ANKRD30BL: variants seen among roughly 807,000 people sequenced by gnomAD.
ANKRD30BL encodes putative ankyrin repeat domain-containing protein 30B-like.
ANKRD30BL carries 20 observed loss-of-function variants against 18.4 expected under a neutral mutation model. The observed-to-expected ratio is 1.09, with a 90% CI of 0.77 to 1.58. The LOEUF (loss-of-function observed/expected upper bound fraction) is 1.58. ANKRD30BL is among the 40% of genes most tolerant of loss of function. The probability of loss-of-function intolerance (pLI) is 0.00; values close to 1 mark genes in which losing one functional copy is unlikely to be tolerated. For missense variants in ANKRD30BL, 224 were observed against 268.6 expected (o/e 0.83, Z 1.16); for synonymous variants, 72 against 100.9 (o/e 0.71, Z 1.72).
intron 1 of ANKRD30BL, among the ~76,000 whole-genome samples, chr2:132,176,267 C>G (rs1296735838): frequency 6.6e-6 from 1 of 151,656 alleles, no homozygotes; most frequent in East Asian, 1.9e-4. Context: ...CGGTGGTTCA[C>G]GCCTATAATT....
intron 5 of ANKRD30BL, among the ~76,000 whole-genome samples, chr2:132,149,430 T>C (rs1687698174): frequency 6.6e-6 from 1 of 152,284 alleles, no homozygotes; most frequent in Middle Eastern, 3.4e-3. Context: ...AAGTTGATAA[T>C]AGTGAGACCT....
At chr2:132,186,920 C>T (rs2104952079) in intron 1 of ANKRD30BL, among the ~76,000 whole-genome samples, 1 of 151,958 alleles carries the variant, frequency 6.6e-6, no homozygotes, top group African/African-American at 2.4e-5. Context: ...CTTTCTTTTG[C>T]TGTTCATTTA....
chr2:132,256,250 GA>G (rs1680831372), intron 1 of ANKRD30BL, among the ~76,000 whole-genome samples: 2 of 151,588 alleles, frequency 1.3e-5, no homozygotes, highest in African/African-American at 2.4e-5. Flanking sequence ...CCAGTTGCGA[GA>G]TTGGGCGCGG....
At position 132,254,245 on chromosome 2, in the gene ANKRD30BL, C is replaced by G. The variant is rs548237096; in HGVS notation, n.441+3284G>C. On this transcript the variant is annotated intron_variant and non_coding_transcript_variant, in intron 1 of 4. Transcript: ENST00000470729. ...TCTCGGGGCAGGTGGGGCCATGCAA[C>G]GAACAAAGGGCACGACTCCGCCCAT... Among the ~76,000 whole-genome samples, 33 of 151,986 alleles carry G rather than the reference C, an allele frequency of 2.2e-4. No homozygotes were observed. In the East Asian group the frequency reaches 3.3e-3, roughly 15 times the overall value.
chr2:132,187,080 G>A (rs10445650), intron 1 of ANKRD30BL, among the ~76,000 whole-genome samples: 1 of 151,288 alleles, frequency 6.6e-6, no homozygotes, highest in African/African-American at 2.4e-5. Context: ...AATTTTGATG[G>A]CCAGAATGAA....
intron 1 of ANKRD30BL, among the ~76,000 whole-genome samples, chr2:132,235,440 C>G (rs1439419359): frequency 6.6e-6 from 1 of 152,084 alleles, no homozygotes; most frequent in African/African-American, 2.4e-5. Flanking sequence ...TAGAAAACCC[C>G]ATTGTCTCAG....
chr2:132,180,415 C>CT, intron 1 of ANKRD30BL, among the ~76,000 whole-genome samples: 1 of 152,322 alleles, frequency 6.6e-6, no homozygotes, highest in Non-Finnish European at 1.5e-5. Context: ...TAAGTACACT[C>CT]TATTTGCACA....
At chr2:132,191,731 A>T in intron 1 of ANKRD30BL, among the ~76,000 whole-genome samples, 1 of 143,130 alleles carries the variant, frequency 7.0e-6, no homozygotes, top group Admixed American at 6.9e-5. Context: ...CTCACTATGG[A>T]GTTTGATTTT....
At chr2:132,245,942 G>T (rs1247262896) in intron 1 of ANKRD30BL, among the ~76,000 whole-genome samples, 1 of 151,488 alleles carries the variant, frequency 6.6e-6, no homozygotes, top group Admixed American at 6.6e-5. Flanking sequence ...GGCCTATGGT[G>T]AAAAAGGAAA....
At chr2:132,218,808 T>C (rs1679585493) in intron 1 of ANKRD30BL, among the ~76,000 whole-genome samples, 1 of 152,190 alleles carries the variant, frequency 6.6e-6, no homozygotes, top group Non-Finnish European at 1.5e-5. Context: ...TATCTTCACA[T>C]AAAAATTAGA....
At chr2:132,163,101 G>A (rs533585874), upstream of ANKRD30BL, among the ~76,000 whole-genome samples, 1 of 152,320 alleles carries the variant, frequency 6.6e-6, no homozygotes, top group African/African-American at 2.4e-5. Flanking sequence ...CTTGGACTGA[G>A]AGGGAAACTC....
chr2:132,214,356 CTGA>C (rs1321353875), intron 1 of ANKRD30BL, among the ~76,000 whole-genome samples: 1 of 151,958 alleles, frequency 6.6e-6, no homozygotes, highest in African/African-American at 2.4e-5. Flanking sequence ...CAGAGGCATT[CTGA>C]GAAACTTGTT....
At chr2:132,230,441 C>T (rs998386859) in intron 1 of ANKRD30BL, among the ~76,000 whole-genome samples, 45 of 151,824 alleles carry the variant, frequency 3.0e-4, no homozygotes, top group Middle Eastern at 3.4e-3. Context: ...ACAAATGGAG[C>T]GCTTTGAGGG....
chr2:132,230,883 G>A (rs1424673762), intron 1 of ANKRD30BL, among the ~76,000 whole-genome samples: 7 of 151,856 alleles, frequency 4.6e-5, no homozygotes, highest in Non-Finnish European at 7.4e-5. Flanking sequence ...ACCTCAGAGA[G>A]TTGAACATTT....
At chr2:132,242,300 A>C (rs551900986) in intron 1 of ANKRD30BL, among the ~76,000 whole-genome samples, 2 of 151,632 alleles carry the variant, frequency 1.3e-5, no homozygotes, top group East Asian at 3.9e-4. Context: ...GTTTTCAAAC[A>C]CTCTTTTTTT....
intron 1 of ANKRD30BL, among the ~76,000 whole-genome samples, chr2:132,226,890 T>C (rs1573866102): frequency 6.6e-6 from 1 of 152,154 alleles, no homozygotes; most frequent in South Asian, 2.1e-4. Context: ...GACAGAAGCA[T>C]TCTCAGAAAC....
At chr2:132,221,428 G>T (rs1558941356) in intron 1 of ANKRD30BL, among the ~76,000 whole-genome samples, 2 of 133,358 alleles carry the variant, frequency 1.5e-5, no homozygotes, top group Non-Finnish European at 3.1e-5. Flanking sequence ...GGGGGGATCA[G>T]CCCCCCGCCT....
At chr2:132,194,825 G>C (rs1312947614) in intron 1 of ANKRD30BL, among the ~76,000 whole-genome samples, 1 of 152,204 alleles carries the variant, frequency 6.6e-6, no homozygotes, top group African/African-American at 2.4e-5. Context: ...AGCTCTGCCT[G>C]GCAGTAGGGA....
Position 132,217,588 on chromosome 2 carries a change from T to C in ANKRD30BL, n.441+39941A>G, listed in dbSNP as rs576530529. Among the ~76,000 whole-genome samples, 339 of 152,254 alleles carry C rather than the reference T, an allele frequency of 2.2e-3. 1 individual carries two copies. Among genetic ancestry groups the C allele is most frequent in the African/African-American group, 7.3e-3 (303 of 41,596 alleles). On this transcript the variant is annotated intron_variant and non_coding_transcript_variant, in intron 1 of 4. Transcript: ENST00000470729. ...TATTCGGACCGCTTTGAGGCATTCG[T>C]TGGAAGTCGGAATATCTTCAGATAA...
Sources: gnomAD v4.1 joint callset for allele counts (sites outside exome capture counted in the v4.1 genomes callset) on GRCh38, gnomAD v4.1.1 for gene constraint, MANE v1.5 for transcripts, NCBI Gene and HGNC (gene_info 2026-07-23, HGNC 2026-07-21) for gene names.